The following SMYD3 variants were observed in gnomAD, a reference collection of about 807,000 sequenced individuals.
SMYD3 encodes SET and MYND domain containing 3, also known as histone-lysine N-methyltransferase SMYD3.
In SMYD3, 36 loss-of-function variants were observed where a neutral mutation model predicts 57.7. That is an observed-to-expected ratio of 0.62 (90% CI 0.48 to 0.82). The LOEUF (loss-of-function observed/expected upper bound fraction) is 0.82, where lower values mean the gene tolerates loss of function less well. Among genes scored for constraint, SMYD3 ranks in the 40% least tolerant of loss-of-function variants. SMYD3 has a pLI of 0.00. For missense variants in SMYD3, 515 were observed against 538.8 expected (o/e 0.96, Z 0.44); for synonymous variants, 211 against 195.0 (o/e 1.08, Z -0.68).
chr1:245,896,375 T>G (rs975198426), intron 8 of SMYD3, among the ~76,000 whole-genome samples: 2 of 124,310 alleles, frequency 1.6e-5, no homozygotes, highest in African/African-American at 3.5e-5. Flanking sequence ...GAACCAAAAA[T>G]AGCTTTGCCA....
chr1:246,337,019 A>G (rs2148674680), intron 2 of SMYD3, among the ~76,000 whole-genome samples: 1 of 152,336 alleles, frequency 6.6e-6, no homozygotes, highest in Admixed American at 6.5e-5. Context: ...CAATGTCCTT[A>G]ACAACAGTTC....
rs181573465 is a variant in SMYD3 at position 246,312,168 on chromosome 1, G to A, written c.531+15033C>T. On this transcript the variant is annotated intron_variant, in intron 5 of 11. Transcript: ENST00000490107. ...GCAGTCAGCCAGCTCCAGGAACGTGGCATGAGATGAAGCTTGCAGGGTCCT... is the reference window on the plus strand; with the variant it reads ...GCAGTCAGCCAGCTCCAGGAACGTGACATGAGATGAAGCTTGCAGGGTCCT... Among the ~76,000 whole-genome samples, 964 of 152,258 alleles carry A rather than the reference G, an allele frequency of 6.3e-3. 6 individuals carry two copies. The highest frequency in any genetic ancestry group is 0.011 in the Admixed American group (165 of 15,292).
At chr1:246,306,632 C>A (rs1175527376) in intron 5 of SMYD3, among the ~76,000 whole-genome samples, 1 of 152,086 alleles carries the variant, frequency 6.6e-6, no homozygotes, top group Admixed American at 6.5e-5. Flanking sequence ...ATAAGTATTA[C>A]CAAAATTAAA....
At chr1:245,913,645 G>C (rs2055185133) in intron 8 of SMYD3, among the ~76,000 whole-genome samples, 1 of 152,072 alleles carries the variant, frequency 6.6e-6, no homozygotes, top group South Asian at 2.1e-4. Context: ...AAACCAAAAT[G>C]CTTCTGCAGA....
At chr1:246,328,875 G>A (rs2065406695) in intron 4 of SMYD3, among the ~76,000 whole-genome samples, 2 of 150,490 alleles carry the variant, frequency 1.3e-5, no homozygotes, top group Non-Finnish European at 3.0e-5. Flanking sequence ...AGAGTGTGCT[G>A]TTCCCCTTCC....
At chr1:246,506,994 C>CCCCCCCCCCCCCCA in intron 1 of SMYD3, 60 bp downstream of exon 1, 2 of 894,058 alleles carry the variant, frequency 2.2e-6, no homozygotes, top group Non-Finnish European at 3.0e-6. Flanking sequence ...CCGACGCCCC[C>CCCCCCCCCCCCCCA]CCCTCCCCAG....
rs113042222 is a variant in SMYD3 at position 246,145,415 on chromosome 1, T to G, written c.531+181786A>C. 3.6e-3 allele frequency among the ~76,000 whole-genome samples: 541 copies of G among 152,336 alleles called. 3 individuals carry two copies. The highest frequency in any genetic ancestry group is 0.012 in the African/African-American group (519 of 41,582). On this transcript the variant is annotated intron_variant, in intron 5 of 11. Transcript: ENST00000490107. ...ATAATACTGAATTGTTGGGATCATA[T>G]TAGATAATTTTGTGCAAGTGCTTAG...
chr1:246,419,351 G>T lies in SMYD3; in HGVS notation c.165-64257C>A, dbSNP rs531512461. On this transcript the variant is annotated intron_variant, in intron 1 of 11. Coordinates refer to ENST00000490107, the MANE Select transcript of SMYD3 (RefSeq NM_001167740.2). Reference sequence around the variant, plus strand: ...TTTGGTGGTCTCTTCACATGGACACGTGTGACACCCTCCACGTCCTCCCGA... The same window carrying T: ...TTTGGTGGTCTCTTCACATGGACACTTGTGACACCCTCCACGTCCTCCCGA... 3.6e-4 allele frequency among the ~76,000 whole-genome samples: 55 copies of T among 152,268 alleles called. 1 individual carries two copies. The highest frequency in any genetic ancestry group is 1.3e-3 in the African/African-American group (52 of 41,548).
At chr1:245,922,527 G>A (rs984659289) in intron 7 of SMYD3, among the ~76,000 whole-genome samples, 1 of 152,138 alleles carries the variant, frequency 6.6e-6, no homozygotes, top group African/African-American at 2.4e-5. Flanking sequence ...ATTCTGCTTT[G>A]ATACGTAAGA....
At chr1:245,980,905 G>C (rs1259609498) in intron 5 of SMYD3, among the ~76,000 whole-genome samples, 2 of 152,138 alleles carry the variant, frequency 1.3e-5, no homozygotes, top group Non-Finnish European at 2.9e-5. Flanking sequence ...GTTGGTACTC[G>C]TCCCTGCCTT....
chr1:245,814,398 T>A, intron 10 of SMYD3: 1 of 984,988 alleles, frequency 1.0e-6, no homozygotes, highest in Non-Finnish European at 1.2e-6. Context: ...AAGAAGATTC[T>A]TTCCTGGTCT....
At chr1:246,131,659 T>C (rs1418200530) in intron 5 of SMYD3, among the ~76,000 whole-genome samples, 2 of 152,210 alleles carry the variant, frequency 1.3e-5, no homozygotes, top group Non-Finnish European at 2.9e-5. Context: ...TATTGAAATA[T>C]TCCCCTCCTG....
At chr1:246,370,124 C>G (rs1367939828) in intron 1 of SMYD3, among the ~76,000 whole-genome samples, 1 of 152,132 alleles carries the variant, frequency 6.6e-6, no homozygotes, top group African/African-American at 2.4e-5. Flanking sequence ...CTTGTGGAGC[C>G]TGTGCCATCT....
intron 1 of SMYD3, among the ~76,000 whole-genome samples, chr1:246,463,459 T>G (rs904620483): frequency 3.3e-5 from 5 of 151,738 alleles, no homozygotes; most frequent in African/African-American, 1.2e-4. Flanking sequence ...AATACTGTTT[T>G]AAACATGTGG....
intron 8 of SMYD3, among the ~76,000 whole-genome samples, chr1:245,901,898 A>G (rs545840318): frequency 1.3e-5 from 2 of 152,126 alleles, no homozygotes; most frequent in African/African-American, 2.4e-5. Flanking sequence ...GCCACAGGAG[A>G]GCTGCTCAGC....
At chr1:246,283,834 T>C (rs1323077189) in intron 5 of SMYD3, among the ~76,000 whole-genome samples, 2 of 152,152 alleles carry the variant, frequency 1.3e-5, no homozygotes, top group Non-Finnish European at 2.9e-5. Flanking sequence ...ACTGCAGCAC[T>C]TGCCAGCTTT....
chr1:245,812,054 C>A (rs1039009478), intron 10 of SMYD3, among the ~76,000 whole-genome samples: 1 of 152,108 alleles, frequency 6.6e-6, no homozygotes, highest in Non-Finnish European at 1.5e-5. Flanking sequence ...GAATGTCATT[C>A]TGGAAGTAGG....
At chr1:246,136,015 G>T (rs1246320158) in intron 5 of SMYD3, among the ~76,000 whole-genome samples, 1 of 152,138 alleles carries the variant, frequency 6.6e-6, no homozygotes, top group Non-Finnish European at 1.5e-5. Context: ...CTCAAATCTG[G>T]CAGTGCCTGC....
intron 8 of SMYD3, among the ~76,000 whole-genome samples, chr1:245,884,926 C>T (rs1267261508): frequency 1.3e-5 from 2 of 152,076 alleles, no homozygotes; most frequent in Admixed American, 1.3e-4. Context: ...ACTCGGGTCC[C>T]CTTCCACGCT....
Sources: allele counts gnomAD v4.1 joint callset (sites outside exome capture counted in the v4.1 genomes callset), GRCh38; gene constraint gnomAD v4.1.1; transcripts MANE v1.5; gene names NCBI Gene and HGNC (gene_info 2026-07-23, HGNC 2026-07-21).